Variants in TNFRSF11B observed in about 807,000 individuals in gnomAD.
TNFRSF11B encodes TNF receptor superfamily member 11b.
Under a neutral mutation model 43.4 loss-of-function variants are expected in TNFRSF11B, and 16 were observed. That is an observed-to-expected ratio of 0.37 (90% CI 0.25 to 0.56). TNFRSF11B has a LOEUF of 0.56. Among genes scored for constraint, TNFRSF11B ranks in the 20% least tolerant of loss-of-function variants. The pLI is 0.80. For synonymous variants in TNFRSF11B, 185 were observed against 181.8 expected (o/e 1.02, Z -0.14); for missense variants, 444 against 490.1 (o/e 0.91, Z 0.89).
At chr8:118,928,161 A>G (rs574763161) in intron 3 of TNFRSF11B, among the ~76,000 whole-genome samples, 15 of 152,204 alleles carry the variant, frequency 9.9e-5, no homozygotes, top group Middle Eastern at 3.4e-3. Flanking sequence ...AGCTGGTACT[A>G]GAAGTGCCTG....
intron 3 of TNFRSF11B, among the ~76,000 whole-genome samples, chr8:118,927,920 A>G (rs561400120): frequency 6.6e-6 from 1 of 152,140 alleles, no homozygotes; most frequent in East Asian, 1.9e-4. Context: ...ACCTGTACCC[A>G]ATGAAGAGCT....
At chr8:118,936,217 G>C (rs1490748322) in intron 1 of TNFRSF11B, among the ~76,000 whole-genome samples, 2 of 152,152 alleles carry the variant, frequency 1.3e-5, no homozygotes, top group Non-Finnish European at 2.9e-5. Flanking sequence ...GTCAACTTAA[G>C]AATTAGAGAG....
At chr8:118,949,293 C>T (rs558661440) in intron 1 of TNFRSF11B, among the ~76,000 whole-genome samples, 3 of 152,106 alleles carry the variant, frequency 2.0e-5, no homozygotes, top group African/African-American at 4.8e-5. Context: ...AACAATGAAA[C>T]GTCATACCCC....
intron 1 of TNFRSF11B, among the ~76,000 whole-genome samples, chr8:118,943,423 G>A (rs1188181822): frequency 6.6e-6 from 1 of 152,020 alleles, no homozygotes; most frequent in Non-Finnish European, 1.5e-5. Flanking sequence ...CCTCATCCTG[G>A]GCATTCTTAA....
intron 1 of TNFRSF11B, 55 bp from the exon 2 acceptor site, chr8:118,933,355 C>G (rs1812355899): frequency 6.2e-7 from 1 of 1,603,604 alleles, no homozygotes; most frequent in Admixed American, 1.7e-5. Context: ...TAGGTTTGTT[C>G]TTATGTGCAA....
intron 3 of TNFRSF11B, among the ~76,000 whole-genome samples, chr8:118,927,569 T>TTTA (rs1554617277): frequency 4.0e-5 from 6 of 150,916 alleles, no homozygotes; most frequent in African/African-American, 1.5e-4. Flanking sequence ...TTTTTTTTTT[T>TTTA]AGATAAGAAA....
At chr8:118,926,456 T>C in intron 4 of TNFRSF11B, 38 bp downstream of exon 4, 1 of 1,557,494 alleles carries the variant, frequency 6.4e-7, no homozygotes, top group Non-Finnish European at 8.8e-7. Flanking sequence ...TAGGTGTCTT[T>C]GATTTCTGAT....
At chr8:118,926,190 C>T (rs374941254) in intron 4 of TNFRSF11B, among the ~76,000 whole-genome samples, 1 of 152,104 alleles carries the variant, frequency 6.6e-6, no homozygotes, top group African/African-American at 2.4e-5. Context: ...CTTACAGAAG[C>T]GTTAAGGGAT....
chr8:118,926,504 C>T lies in TNFRSF11B; in HGVS notation c.807G>A (p.Lys269=). ...HQNKDQDIVK[K]IIQDIDLCEN... is the part of the protein sequence containing the mutation. ...TTTAGATTATCATACCTTGGATGATCTTCTTGACTATATCTTGGTCTTTGT... is the reference window on the plus strand; with the variant it reads ...TTTAGATTATCATACCTTGGATGATTTTCTTGACTATATCTTGGTCTTTGT... The change falls in exon 4 of 5, where the codon AAG becomes AAA. Residue 269 remains lysine, a synonymous_variant. Transcript: ENST00000297350. 1 of 1,613,014 alleles carries T rather than the reference C, an allele frequency of 6.2e-7. No homozygotes were observed. Among genetic ancestry groups the T allele is most frequent in the Non-Finnish European group, 8.5e-7 (1 of 1,179,108 alleles).
chr8:118,938,181 T>C (rs1428339782), intron 1 of TNFRSF11B, among the ~76,000 whole-genome samples: 1 of 152,144 alleles, frequency 6.6e-6, no homozygotes, highest in African/African-American at 2.4e-5. Flanking sequence ...GGGGTCTCGC[T>C]ATGTTGCCCA....
rs561104300 is a variant in TNFRSF11B at position 118,925,282 on chromosome 8, C to T, written c.818-520G>A. On this transcript the variant is annotated intron_variant, in intron 4 of 4. Coordinates refer to ENST00000297350, the MANE Select transcript of TNFRSF11B (RefSeq NM_002546.4). ...TCGAGGAACTAAAGGAGACACACAG[C>T]CTAGAGAATATTTCAGTAATAAGCT... Among the ~76,000 whole-genome samples the T allele has an allele frequency of 2.6e-5, 4 of 152,222 alleles. No individual in the cohort carries two copies. In the East Asian group the frequency reaches 7.7e-4, roughly 29 times the overall value.
Position 118,926,619 on chromosome 8 carries a change from T to G in TNFRSF11B, c.692A>C (p.Lys231Thr), listed in dbSNP as rs781066936. The G allele has an allele frequency of 5.0e-6, 8 of 1,614,010 alleles. No individual in the cohort carries two copies. The highest frequency in any genetic ancestry group is 6.8e-6 in the Non-Finnish European group (8 of 1,180,010). Reference protein sequence around the residue: ...SVLVDNLPGTKVNAESVERIK... With the variant: ...SVLVDNLPGTTVNAESVERIK... ...CCTCTCTACACTCTCTGCGTTTACT[T>G]TGGTGCCAGGCAAATTGTCTACCAA... Residue 231 changes from lysine (K) to threonine (T), a missense_variant, in exon 4 of 5, where the codon AAA becomes ACA. Physicochemically the swap from Lys to Thr is moderately conservative, Grantham distance 78 (BLOSUM62 -1). Coordinates refer to ENST00000297350, the MANE Select transcript of TNFRSF11B (RefSeq NM_002546.4).
In TNFRSF11B at chr8:118,926,692, A is replaced by G. The variant is rs759897062; in HGVS notation, c.619T>C (p.Phe207Leu). 6.2e-7 allele frequency: 1 copy of G among 1,613,988 alleles called. No homozygotes were observed. Among genetic ancestry groups the G allele is most frequent in the Admixed American group, 1.7e-5 (1 of 59,984 alleles). ...IDVTLCEEAF[F>L]RFAVPTKFTP... ...AACTTTGTAGGAACAGCAAACCTGAAGAATGCCTCCTCACACAGGGTAACA... is the reference window on the plus strand; with the variant it reads ...AACTTTGTAGGAACAGCAAACCTGAGGAATGCCTCCTCACACAGGGTAACA... Residue 207 changes from phenylalanine to leucine, a missense_variant, in exon 4 of 5, where the codon TTC (phenylalanine) becomes CTC (leucine). Coordinates refer to ENST00000297350, the MANE Select transcript of TNFRSF11B (RefSeq NM_002546.4).
chr8:118,928,407 AAC>A (rs768778419), intron 3 of TNFRSF11B, among the ~76,000 whole-genome samples: 2 of 152,246 alleles, frequency 1.3e-5, no homozygotes, highest in Non-Finnish European at 2.9e-5. Flanking sequence ...TGAAAGTAAT[AAC>A]ACACAACTTG....
intron 1 of TNFRSF11B, among the ~76,000 whole-genome samples, chr8:118,934,921 A>G (rs1308310701): frequency 1.3e-5 from 2 of 152,212 alleles, no homozygotes; most frequent in Non-Finnish European, 2.9e-5. Context: ...TTTTAACTGA[A>G]GTAACTTCAT....
intron 2 of TNFRSF11B, among the ~76,000 whole-genome samples, chr8:118,931,597 C>A (rs946767962): frequency 6.6e-6 from 1 of 152,146 alleles, no homozygotes; most frequent in Non-Finnish European, 1.5e-5. Context: ...AAAGTACCAT[C>A]CAATAGAAAG....
chr8:118,928,840 T>G lies in TNFRSF11B; in HGVS notation c.490A>C (p.Thr164Pro). 6.2e-7 allele frequency: 1 copy of G among 1,614,250 alleles called. No individual in the cohort carries two copies. The highest frequency in any genetic ancestry group is 8.5e-7 in the Non-Finnish European group (1 of 1,180,038). The change falls in exon 3 of 5, where the codon ACA becomes CCA. Residue 164 changes from threonine (T) to proline (P), a missense_variant. Transcript: ENST00000297350. The stretch of plus-strand genomic sequence containing the variant: ...AGGAGACCAAAGACACTGCAATTTG[T>G]GTGTTTTCTACAGGGTGCTTTAGAT... ...TSSKAPCRKH[T>P]NCSVFGLLLT... is the part of the protein sequence containing the mutation.
chr8:118,946,304 A>G (rs1250844594), intron 1 of TNFRSF11B, among the ~76,000 whole-genome samples: 1 of 152,160 alleles, frequency 6.6e-6, no homozygotes. Flanking sequence ...TAAATGTGAG[A>G]GAGAGTGGGT....
intron 1 of TNFRSF11B, 73 bp downstream of exon 1, chr8:118,951,719 T>C: frequency 7.0e-7 from 1 of 1,418,890 alleles, no homozygotes; most frequent in African/African-American, 1.4e-5. Flanking sequence ...GCCGGTCCGC[T>C]GGGAGGTTGG....
Sources: gnomAD v4.1 joint callset for allele counts (sites outside exome capture counted in the v4.1 genomes callset) on GRCh38, gnomAD v4.1.1 for gene constraint, MANE v1.5 for transcripts, NCBI Gene and HGNC (gene_info 2026-07-23, HGNC 2026-07-21) for gene names.